Variants in CAMK2D observed in about 807,000 individuals in gnomAD.
CAMK2D encodes calcium/calmodulin-dependent protein kinase type II subunit delta.
Under a neutral mutation model 84.0 loss-of-function variants are expected in CAMK2D, and 37 were observed. That is an observed-to-expected ratio of 0.44 (90% CI 0.34 to 0.58). CAMK2D has a LOEUF of 0.58. Among genes scored for constraint, CAMK2D ranks in the 20% least tolerant of loss-of-function variants. The pLI is 0.02. For missense variants in CAMK2D, 448 were observed against 652.5 expected, an observed-to-expected ratio of 0.69 and a Z score of 3.41; for synonymous variants, 202 against 212.5, an observed-to-expected ratio of 0.95 and a Z score of 0.43.
At chr4:113,733,979 A>C (rs2099575190) in intron 2 of CAMK2D, among the ~76,000 whole-genome samples, 1 of 152,196 alleles carries the variant, frequency 6.6e-6, no homozygotes, top group Non-Finnish European at 1.5e-5. Context: ...TAAACAAGAA[A>C]AATGTTGTTT....
chr4:113,554,350 G>C (rs951093675), intron 4 of CAMK2D, among the ~76,000 whole-genome samples: 2 of 151,966 alleles, frequency 1.3e-5, no homozygotes, highest in African/African-American at 4.8e-5. Flanking sequence ...GCTATACATG[G>C]CAATAGATTT....
intron 4 of CAMK2D, among the ~76,000 whole-genome samples, chr4:113,586,366 C>T (rs2098834282): frequency 6.6e-6 from 1 of 152,104 alleles, no homozygotes; most frequent in South Asian, 2.1e-4. Flanking sequence ...TGAATTTGGG[C>T]CACCATTGAG....
At chr4:113,696,211 C>T (rs1310834902) in intron 2 of CAMK2D, among the ~76,000 whole-genome samples, 3 of 151,278 alleles carry the variant, frequency 2.0e-5, no homozygotes, top group Non-Finnish European at 4.4e-5. Context: ...CACACACACA[C>T]ACACACACAC....
intron 19 of CAMK2D, among the ~76,000 whole-genome samples, chr4:113,456,237 T>C (rs552957881): frequency 6.6e-6 from 1 of 152,152 alleles, no homozygotes; most frequent in East Asian, 1.9e-4. Context: ...TTCTCTGGAG[T>C]GAGTTGAATG....
At chr4:113,542,702 G>A (rs1223555509) in intron 6 of CAMK2D, among the ~76,000 whole-genome samples, 9 of 145,032 alleles carry the variant, frequency 6.2e-5, no homozygotes, top group African/African-American at 1.6e-4. Flanking sequence ...GCAACAGAGC[G>A]AGATTCCGTC....
chr4:113,476,108 T>C (rs1034222039), intron 16 of CAMK2D, among the ~76,000 whole-genome samples: 3 of 152,186 alleles, frequency 2.0e-5, no homozygotes, highest in Non-Finnish European at 4.4e-5. Flanking sequence ...CCTCTTGATA[T>C]GTCAGGAGTA....
At chr4:113,705,167 A>AAAAAAAAAAATTAGCCGGG (rs2099442210) in intron 2 of CAMK2D, among the ~76,000 whole-genome samples, 1 of 151,254 alleles carries the variant, frequency 6.6e-6, no homozygotes, top group Non-Finnish European at 1.5e-5. Context: ...AATACAAAAA[A>AAAAAAAAAAATTAGCCGGG]AAAAAAAAAA....
Position 113,607,746 on chromosome 4 carries a change from G to A in CAMK2D, c.275+1406C>T, listed in dbSNP as rs573393436. On this transcript the variant is annotated intron_variant, in intron 4 of 20. Transcript: ENST00000511664. ...TTGGACTCAGTCCACCTGCACCCAG[G>A]TGACTAAAAAGCGTTACTGCTCACA... Among the ~76,000 whole-genome samples, 32 of 152,202 alleles carry A rather than the reference G, an allele frequency of 2.1e-4. 1 individual carries two copies. The South Asian group carries it at 6.2e-3, about 30-fold the overall frequency.
chr4:113,688,633 A>T (rs1216262912), intron 2 of CAMK2D, among the ~76,000 whole-genome samples: 1 of 151,966 alleles, frequency 6.6e-6, no homozygotes, highest in Non-Finnish European at 1.5e-5. Context: ...TCTAGTTCCT[A>T]TTGCCCCAAC....
At chr4:113,699,548 A>C (rs1251715426) in intron 2 of CAMK2D, among the ~76,000 whole-genome samples, 1 of 152,124 alleles carries the variant, frequency 6.6e-6, no homozygotes, top group Non-Finnish European at 1.5e-5. Context: ...CTCTATGCCT[A>C]ATCAGTGATT....
chr4:113,555,048 C>T (rs548797684), intron 4 of CAMK2D, among the ~76,000 whole-genome samples: 1 of 152,184 alleles, frequency 6.6e-6, no homozygotes, highest in African/African-American at 2.4e-5. Flanking sequence ...GATGTTGATT[C>T]ACACTGTATT....
At chr4:113,583,452 A>G (rs980763213) in intron 4 of CAMK2D, among the ~76,000 whole-genome samples, 12 of 152,232 alleles carry the variant, frequency 7.9e-5, no homozygotes, top group Non-Finnish European at 1.2e-4. Flanking sequence ...AACAATACTT[A>G]GAAATACACT....
At chr4:113,569,100 C>T (rs183161342) in intron 4 of CAMK2D, among the ~76,000 whole-genome samples, 1 of 152,072 alleles carries the variant, frequency 6.6e-6, no homozygotes, top group African/African-American at 2.4e-5. Context: ...CCAGGCTGGT[C>T]TCAAACTCCT....
At position 113,599,235 on chromosome 4, in the gene CAMK2D, G is replaced by T. The variant is rs1431756725; in HGVS notation, c.275+9917C>A. ...GCAACAGGAACTCTCATTCATTGCT[G>T]GTGTGAATGCAAAATGGTATAGCCA... is the stretch of plus-strand genomic sequence containing the variant. On this transcript the variant is annotated intron_variant, in intron 4 of 20. Coordinates refer to ENST00000511664, the MANE Select transcript of CAMK2D (RefSeq NM_001321571.2). Among the ~76,000 whole-genome samples the T allele has an allele frequency of 3.3e-4, 50 of 152,142 alleles. 1 individual carries two copies. Among genetic ancestry groups the T allele is most frequent in the Non-Finnish European group, 7.4e-5 (5 of 68,026 alleles).
chr4:113,503,270 T>C (rs767476808), intron 14 of CAMK2D: 3 of 631,682 alleles, frequency 4.7e-6, no homozygotes, highest in South Asian at 2.8e-5. Context: ...ACTCACTGTT[T>C]CACTTAATCC....
At chr4:113,540,373 TTTGA>T (rs2098522107) in intron 6 of CAMK2D, among the ~76,000 whole-genome samples, 1 of 152,174 alleles carries the variant, frequency 6.6e-6, no homozygotes, top group African/African-American at 2.4e-5. Flanking sequence ...ATTCCACTAT[TTTGA>T]TTTTCTATTT....
chr4:113,754,900 A>G (rs532914500), intron 2 of CAMK2D: 1 of 983,136 alleles, frequency 1.0e-6, no homozygotes, highest in East Asian at 1.1e-4. Flanking sequence ...TATAAAAATG[A>G]TTTACTAATT....
chr4:113,533,833 C>G (rs529610105), intron 7 of CAMK2D, among the ~76,000 whole-genome samples: 2 of 150,886 alleles, frequency 1.3e-5, no homozygotes, highest in African/African-American at 4.9e-5. Context: ...AGTATTCCAA[C>G]AGACCAGACT....
chr4:113,500,335 A>G, intron 16 of CAMK2D, 128 bp downstream of exon 16: 1 of 496,796 alleles, frequency 2.0e-6, no homozygotes, highest in Non-Finnish European at 3.6e-6. Flanking sequence ...TTTTACTCAT[A>G]AATAAAATAT....
Sources: allele counts gnomAD v4.1 joint callset (sites outside exome capture counted in the v4.1 genomes callset), GRCh38; gene constraint gnomAD v4.1.1; transcripts MANE v1.5; gene names NCBI Gene and HGNC (gene_info 2026-07-23, HGNC 2026-07-21).